ZNF385D: variants seen among roughly 807,000 people sequenced by gnomAD.
ZNF385D encodes zinc finger protein 659.
ZNF385D carries 15 observed loss-of-function variants against 35.8 expected under a neutral mutation model. That is an observed-to-expected ratio of 0.42 (90% CI 0.28 to 0.64). The LOEUF (loss-of-function observed/expected upper bound fraction) is 0.64. Ranked by LOEUF, ZNF385D falls within the 30% of genes least tolerant of loss-of-function variation. The probability of loss-of-function intolerance (pLI) is 0.23; values close to 1 mark genes in which losing one functional copy is unlikely to be tolerated. For synonymous variants in ZNF385D, 212 were observed against 186.8 expected, an observed-to-expected ratio of 1.13 and a Z score of -1.10; for missense variants, 474 against 494.6, an observed-to-expected ratio of 0.96 and a Z score of 0.39.
At chr3:21,833,740 G>C (rs1695148545) in intron 3 of ZNF385D, among the ~76,000 whole-genome samples, 2 of 152,142 alleles carry the variant, frequency 1.3e-5, no homozygotes, top group African/African-American at 4.8e-5. Flanking sequence ...CTATAACTTA[G>C]AAATGAAGGA....
chr3:21,838,317 G>C (rs940143936), intron 3 of ZNF385D, among the ~76,000 whole-genome samples: 1 of 152,078 alleles, frequency 6.6e-6, no homozygotes, highest in Non-Finnish European at 1.5e-5. Context: ...GGTACTTGGA[G>C]GATCTGGGAG....
intron 2 of ZNF385D, among the ~76,000 whole-genome samples, chr3:22,186,079 A>C (rs992178928): frequency 6.6e-6 from 1 of 152,144 alleles, no homozygotes; most frequent in African/African-American, 2.4e-5. Context: ...ACTCTTAAAT[A>C]ATGTTTCCAA....
chr3:22,281,443 A>C (rs1486828322), intron 2 of ZNF385D, among the ~76,000 whole-genome samples: 2 of 152,026 alleles, frequency 1.3e-5, no homozygotes, highest in Non-Finnish European at 2.9e-5. Context: ...TTTTAATCAC[A>C]AAGGGATGCT....
chr3:21,837,382 G>A (rs1018800443), intron 3 of ZNF385D, among the ~76,000 whole-genome samples: 7 of 152,068 alleles, frequency 4.6e-5, no homozygotes, highest in Non-Finnish European at 8.8e-5. Flanking sequence ...GTTTTCAGCT[G>A]GGAGGTAGAT....
intron 1 of ZNF385D, among the ~76,000 whole-genome samples, chr3:21,713,237 G>A (rs2068182819): frequency 6.6e-6 from 1 of 152,164 alleles, no homozygotes. Flanking sequence ...GTGTACAAGG[G>A]AAGTTCCAAA....
At chr3:22,173,325 A>G (rs1197870741) in intron 2 of ZNF385D, among the ~76,000 whole-genome samples, 1 of 152,208 alleles carries the variant, frequency 6.6e-6, no homozygotes, top group Non-Finnish European at 1.5e-5. Flanking sequence ...TATCATTAAT[A>G]ATAATGTATT....
At chr3:21,458,662 G>T (rs1702976815) in intron 4 of ZNF385D, among the ~76,000 whole-genome samples, 1 of 152,036 alleles carries the variant, frequency 6.6e-6, no homozygotes, top group African/African-American at 2.4e-5. Flanking sequence ...AATGAACCAT[G>T]AAAACATTAT....
At chr3:22,160,110 C>T (rs1705851094) in intron 3 of ZNF385D, among the ~76,000 whole-genome samples, 1 of 151,988 alleles carries the variant, frequency 6.6e-6, no homozygotes, top group Non-Finnish European at 1.5e-5. Context: ...CTTTGTTTTC[C>T]ACCATGATTG....
intron 3 of ZNF385D, among the ~76,000 whole-genome samples, chr3:22,166,742 G>A (rs1057303448): frequency 1.3e-5 from 2 of 152,122 alleles, no homozygotes; most frequent in African/African-American, 4.8e-5. Flanking sequence ...TTATGCTTGG[G>A]ACTAACTCTG....
intron 2 of ZNF385D, among the ~76,000 whole-genome samples, chr3:22,246,138 C>A (rs1427532029): frequency 6.6e-6 from 1 of 152,116 alleles, no homozygotes; most frequent in Non-Finnish European, 1.5e-5. Flanking sequence ...AACTTTTATT[C>A]AAGCATTTGA....
At chr3:21,770,983 G>C (rs2071051748) in intron 3 of ZNF385D, among the ~76,000 whole-genome samples, 2 of 150,272 alleles carry the variant, frequency 1.3e-5, no homozygotes, top group South Asian at 4.2e-4. Flanking sequence ...GCAAACTGTT[G>C]CAAGGACAAA....
In ZNF385D at chr3:21,773,761, C is replaced by CAAA. The variant is rs34517595; in HGVS notation, c.326-108736_326-108734dup. On this transcript the variant is annotated intron_variant, in intron 3 of 5. Coordinates refer to the ZNF385D transcript ENST00000494108. ...GTCAGAATGGATATTATTAAAAAGT[C>CAAA]AAAAAAAAAACAACTGCTGGTGAGG... Among the ~76,000 whole-genome samples the CAAA allele has an allele frequency of 3.2e-3, 464 of 147,082 alleles. 1 individual carries two copies. The highest frequency in any genetic ancestry group is 0.024 in the South Asian group (108 of 4,556).
At chr3:21,944,665 T>A (rs558372190) in intron 3 of ZNF385D, among the ~76,000 whole-genome samples, 1 of 152,202 alleles carries the variant, frequency 6.6e-6, no homozygotes, top group Admixed American at 6.6e-5. Flanking sequence ...GTTTACAGAA[T>A]CATTTAGAAA....
At chr3:22,311,215 T>G (rs1364287063) in intron 2 of ZNF385D, among the ~76,000 whole-genome samples, 1 of 152,060 alleles carries the variant, frequency 6.6e-6, no homozygotes, top group Non-Finnish European at 1.5e-5. Flanking sequence ...ATATAAATTA[T>G]TACATGAATG....
At chr3:21,981,805 T>C (rs1355536572) in intron 3 of ZNF385D, among the ~76,000 whole-genome samples, 1 of 152,180 alleles carries the variant, frequency 6.6e-6, no homozygotes, top group African/African-American at 2.4e-5. Flanking sequence ...CCCAGCACCA[T>C]TTATTGAATA....
intron 3 of ZNF385D, among the ~76,000 whole-genome samples, chr3:21,867,087 T>C (rs964375477): frequency 2.6e-5 from 4 of 152,044 alleles, no homozygotes; most frequent in African/African-American, 9.7e-5. Context: ...ATACGGTGTC[T>C]AGTGAGGGCC....
chr3:22,335,671 G>C (rs1695130004), intron 2 of ZNF385D, among the ~76,000 whole-genome samples: 1 of 152,210 alleles, frequency 6.6e-6, no homozygotes, highest in African/African-American at 2.4e-5. Context: ...TGCCTGAAGA[G>C]CATTGACATA....
chr3:21,935,713 C>A (rs1341699529), intron 3 of ZNF385D, among the ~76,000 whole-genome samples: 1 of 143,882 alleles, frequency 7.0e-6, no homozygotes, highest in Non-Finnish European at 1.5e-5. Context: ...TCCCTAAAAT[C>A]TCATCCCAAG....
chr3:21,722,980 A>T (rs1425641691), intron 1 of ZNF385D, among the ~76,000 whole-genome samples: 3 of 152,186 alleles, frequency 2.0e-5, no homozygotes, highest in Admixed American at 2.0e-4. Context: ...CCTAGCTCAC[A>T]TATTTGTCAC....
Sources: gnomAD v4.1 joint callset for allele counts (sites outside exome capture counted in the v4.1 genomes callset) on GRCh38, gnomAD v4.1.1 for gene constraint, MANE v1.5 for transcripts, NCBI Gene and HGNC (gene_info 2026-07-23, HGNC 2026-07-21) for gene names.